Variants in WBP2NL observed in about 807,000 individuals in gnomAD.
WBP2NL encodes the protein postacrosomal sheath WW domain-binding protein.
WBP2NL carries 27 observed loss-of-function variants against 23.3 expected under a neutral mutation model. The ratio of observed to expected loss-of-function variants is 1.16; its 90% CI spans 0.85 to 1.60. WBP2NL has a LOEUF of 1.60. WBP2NL is among the 40% of genes most tolerant of loss of function. The pLI is 0.00. For synonymous variants in WBP2NL, 151 were observed against 145.9 expected, an observed-to-expected ratio of 1.03 and a Z score of -0.25; for missense variants, 370 against 389.5, an observed-to-expected ratio of 0.95 and a Z score of 0.42.
chr22:42,057,885 A>G (rs1926118312), intron 8 of WBP2NL, among the ~76,000 whole-genome samples: 1 of 17,050 alleles, frequency 5.9e-5, no homozygotes, highest in African/African-American at 2.5e-4. Context: ...ATATATATAT[A>G]TATATATATA....
At chr22:42,032,586 A>G (rs775307246), downstream of WBP2NL, 38 of 282,112 alleles carry the variant, frequency 1.3e-4, no homozygotes, top group South Asian at 9.7e-4. Context: ...AAAATGTAGA[A>G]GCCCAATTCA....
chr22:42,000,817 C>A (rs1921573321), intron 1 of WBP2NL, among the ~76,000 whole-genome samples: 1 of 150,700 alleles, frequency 6.6e-6, no homozygotes, highest in South Asian at 2.1e-4. Context: ...TGTCTGTAGT[C>A]CCAGCTACTC....
At chr22:42,002,673 AAG>A (rs1054716375) in intron 1 of WBP2NL, 8 of 152,328 alleles carry the variant, frequency 5.3e-5, no homozygotes, top group African/African-American at 1.4e-4. Context: ...GGAAAACAAA[AAG>A]AAGTCATTTG....
At chr22:42,047,269 CAA>C (rs140516534) in intron 8 of WBP2NL, among the ~76,000 whole-genome samples, 42,793 of 101,600 alleles carry the variant, frequency 0.42, 7,404 homozygotes, top group East Asian at 0.73. Context: ...TTTTCAAGCT[CAA>C]AAAAAAAAAA....
chr22:41,999,680 A>T (rs1602431396), intron 1 of WBP2NL, among the ~76,000 whole-genome samples: 1 of 152,080 alleles, frequency 6.6e-6, no homozygotes, highest in Non-Finnish European at 1.5e-5. Context: ...TGGTAAGAGG[A>T]TTGCTTGAAC....
chr22:42,020,140 G>T (rs745504154), intron 4 of WBP2NL, 44 bp downstream of exon 4: 14 of 1,536,210 alleles, frequency 9.1e-6, no homozygotes, highest in Non-Finnish European at 1.2e-5. Flanking sequence ...GGGGTTTTTT[G>T]TTTGTTTGTT....
At chr22:42,036,205 C>T (rs561854569), downstream of WBP2NL, among the ~76,000 whole-genome samples, 28 of 152,054 alleles carry the variant, frequency 1.8e-4, no homozygotes, top group African/African-American at 3.9e-4. Context: ...GACCAAGTCT[C>T]GCTCTGTCGC....
At chr22:42,016,625 G>A (rs892128248) in intron 1 of WBP2NL, among the ~76,000 whole-genome samples, 9 of 152,154 alleles carry the variant, frequency 5.9e-5, no homozygotes, top group Admixed American at 5.2e-4. Flanking sequence ...TGAAAAAGTT[G>A]ATTCTGACAG....
At chr22:42,019,562 A>G (rs1404983859) in intron 2 of WBP2NL, 100 bp from the exon 3 acceptor site, 4 of 1,548,992 alleles carry the variant, frequency 2.6e-6, no homozygotes, top group African/African-American at 2.7e-5. Context: ...GGAAGAAAAG[A>G]TGATGTTTCT....
At chr22:42,017,315 A>G (rs528579069) in intron 1 of WBP2NL, among the ~76,000 whole-genome samples, 9 of 152,184 alleles carry the variant, frequency 5.9e-5, no homozygotes, top group African/African-American at 1.7e-4. Context: ...GGGTTTCACC[A>G]TGTTGGTCAA....
intron 8 of WBP2NL, among the ~76,000 whole-genome samples, chr22:42,042,939 C>T (rs1403131095): frequency 6.6e-6 from 1 of 150,472 alleles, no homozygotes; most frequent in Non-Finnish European, 1.5e-5. Context: ...GTGGTATACA[C>T]CTGTAGTCCC....
intron 8 of WBP2NL, among the ~76,000 whole-genome samples, chr22:42,045,976 G>A (rs1459906641): frequency 6.6e-6 from 1 of 152,206 alleles, no homozygotes; most frequent in Non-Finnish European, 1.5e-5. Flanking sequence ...ATAGGTATGG[G>A]TTTTTTCTCC....
intron 8 of WBP2NL, among the ~76,000 whole-genome samples, chr22:42,057,844 T>C (rs200579614): frequency 1.0e-5 from 1 of 99,096 alleles, no homozygotes; most frequent in African/African-American, 3.3e-5. Context: ...TATATATATA[T>C]ATACACATAT....
At chr22:42,004,817 G>A (rs776696554) in intron 1 of WBP2NL, among the ~76,000 whole-genome samples, 5 of 152,144 alleles carry the variant, frequency 3.3e-5, no homozygotes, top group Non-Finnish European at 7.4e-5. Context: ...CCAACTACTC[G>A]GGAGGCCGAA....
At chr22:42,041,478 C>CT (rs1758488682) in intron 8 of WBP2NL, among the ~76,000 whole-genome samples, 1 of 79,246 alleles carries the variant, frequency 1.3e-5, no homozygotes, top group South Asian at 3.6e-4. Context: ...GAGGTTCTGT[C>CT]TTTAAAAAAA....
At chr22:42,041,635 T>A (rs1192530816) in intron 8 of WBP2NL, among the ~76,000 whole-genome samples, 3 of 152,122 alleles carry the variant, frequency 2.0e-5, no homozygotes, top group African/African-American at 7.2e-5. Context: ...TTAGCTTACT[T>A]CTTTTTATAT....
intron 8 of WBP2NL, among the ~76,000 whole-genome samples, chr22:42,045,285 C>A (rs886556223): frequency 4.0e-5 from 6 of 151,866 alleles, no homozygotes; most frequent in African/African-American, 1.5e-4. Context: ...AAAAAAAATA[C>A]AAAAAATTAG....
intron 8 of WBP2NL, among the ~76,000 whole-genome samples, chr22:42,044,905 T>C (rs540921803): frequency 1.2e-4 from 18 of 152,130 alleles, no homozygotes; most frequent in African/African-American, 4.3e-4. Flanking sequence ...TAGGAACTCC[T>C]GGGCTCAAGT....
intron 8 of WBP2NL, among the ~76,000 whole-genome samples, chr22:42,050,359 A>G (rs914884116): frequency 2.6e-5 from 4 of 151,714 alleles, no homozygotes; most frequent in Non-Finnish European, 5.9e-5. Context: ...AAAAAAAACA[A>G]CCTGGGCCAG....
Sources: gnomAD v4.1 joint callset for allele counts (sites outside exome capture counted in the v4.1 genomes callset) on GRCh38, gnomAD v4.1.1 for gene constraint, MANE v1.5 for transcripts, NCBI Gene and HGNC (gene_info 2026-07-23, HGNC 2026-07-21) for gene names.